EVC2: variants seen among roughly 807,000 people sequenced by gnomAD.
EVC2 encodes the protein limbin.
Under a neutral mutation model 149.3 loss-of-function variants are expected in EVC2, and 148 were observed. The ratio of observed to expected loss-of-function variants is 0.99; its 90% CI spans 0.87 to 1.14. The LOEUF (loss-of-function observed/expected upper bound fraction) is 1.14, where lower values mean the gene tolerates loss of function less well. Ranked by LOEUF, EVC2 falls within the 50% of genes most tolerant of loss-of-function variation. EVC2 has a pLI of 0.00. For missense variants in EVC2, 1,854 were observed against 1,627.3 expected (o/e 1.14, Z -2.40); for synonymous variants, 776 against 649.9 (o/e 1.19, Z -2.95).
intron 7 of EVC2, among the ~76,000 whole-genome samples, chr4:5,678,319 T>C (rs919901457): frequency 2.6e-5 from 4 of 152,180 alleles, no homozygotes; most frequent in Non-Finnish European, 4.4e-5. Context: ...GCCTCCCTGG[T>C]AGATAATACT....
chr4:5,642,196 G>T (rs549413135), intron 9 of EVC2, among the ~76,000 whole-genome samples: 2 of 152,220 alleles, frequency 1.3e-5, no homozygotes, highest in Admixed American at 6.5e-5. Flanking sequence ...ATGGGCATTT[G>T]GGTTGGTTCC....
chr4:5,650,256 G>T (rs6846849), intron 9 of EVC2, among the ~76,000 whole-genome samples: 1 of 151,538 alleles, frequency 6.6e-6, no homozygotes, highest in African/African-American at 2.4e-5. Flanking sequence ...ATGACAGAAG[G>T]CTCAGCCCTG....
intron 3 of EVC2, among the ~76,000 whole-genome samples, chr4:5,691,907 G>A (rs946164913): frequency 3.9e-5 from 6 of 152,290 alleles, no homozygotes; most frequent in Admixed American, 6.5e-5. Context: ...CCTTGAAACC[G>A]CAGGTTTCCT....
In EVC2 at chr4:5,614,982, A is replaced by C. The variant is rs528435627; in HGVS notation, c.2829+440T>G. On this transcript the variant is annotated intron_variant, in intron 16 of 21. Transcript: ENST00000344408. The surrounding 1 kb of genome is among the most constrained non-coding windows in gnomAD (Gnocchi z 4.7). Reference sequence around the variant, plus strand: ...ACAGAGTAAGACTCCATTTCAAAAAAACCAAAACCAAACAAACAAAAAAAA... The same window carrying C: ...ACAGAGTAAGACTCCATTTCAAAAACACCAAAACCAAACAAACAAAAAAAA... Among the ~76,000 whole-genome samples, 2 of 152,266 alleles carry C rather than the reference A, an allele frequency of 1.3e-5. No individual in the cohort carries two copies. Among genetic ancestry groups the C allele is most frequent in the South Asian group, 4.1e-4 (2 of 4,822 alleles).
the EVC2 span, among the ~76,000 whole-genome samples, chr4:5,530,694 T>A: frequency 6.6e-6 from 1 of 152,356 alleles, no homozygotes; most frequent in East Asian, 1.9e-4. Flanking sequence ...GATTTTTCAA[T>A]TCCTGAATTT....
intron 7 of EVC2, among the ~76,000 whole-genome samples, 166 bp downstream of exon 7, chr4:5,681,094 C>T (rs1402050404): frequency 6.6e-6 from 1 of 152,178 alleles, no homozygotes; most frequent in East Asian, 1.9e-4. Flanking sequence ...GTCAGATAGC[C>T]TCAGGGCACA....
At chr4:5,685,318 A>T (rs1400350755) in intron 6 of EVC2, 52 bp downstream of exon 6, 3 of 1,560,182 alleles carry the variant, frequency 1.9e-6, no homozygotes, top group Non-Finnish European at 2.7e-6. Flanking sequence ...TATTTCTAAA[A>T]CAACCTCTCT....
chr4:5,640,954 CT>C lies in EVC2; in HGVS notation c.1146-117del. On this transcript the variant is annotated intron_variant, in intron 9 of 21. Coordinates refer to ENST00000344408, the MANE Select transcript of EVC2 (RefSeq NM_147127.5). The surrounding 1 kb of genome is among the most constrained non-coding windows in gnomAD (Gnocchi z 4.6). ...GTAGGCAAGGGCTTTCTTCGTCTTC[CT>C]TTTCTTCCTTTCCCCGCTCACTTCT... 1 of 1,176,302 alleles carries C rather than the reference CT, an allele frequency of 8.5e-7. No homozygotes were observed. Among genetic ancestry groups the C allele is most frequent in the Non-Finnish European group, 1.2e-6 (1 of 803,254 alleles). The allele number at this position is 1,176,302 out of a possible 1,614,324, so 72.9% of individuals were successfully genotyped here. A position where few individuals can be genotyped will look rare whatever the true frequency, so the allele number is the denominator to read the frequency against.
chr4:5,645,299 T>C (rs1274179712), intron 9 of EVC2, among the ~76,000 whole-genome samples: 4 of 151,822 alleles, frequency 2.6e-5, no homozygotes, highest in Non-Finnish European at 5.9e-5. Flanking sequence ...TATGTGTAGG[T>C]TTTTTATACA....
intron 9 of EVC2, 91 bp downstream of exon 9, chr4:5,663,016 G>C (rs192366180): frequency 6.6e-6 from 10 of 1,516,884 alleles, no homozygotes; most frequent in South Asian, 3.4e-5. Flanking sequence ...TTAACTGAAT[G>C]AATGAAATAT....
intron 4 of EVC2, among the ~76,000 whole-genome samples, 198 bp from the exon 5 acceptor site, chr4:5,689,541 T>TTGGAGACA (rs372387723): frequency 1.8e-4 from 27 of 152,288 alleles, no homozygotes; most frequent in African/African-American, 6.0e-4. Context: ...CTTCCCAAGC[T>TTGGAGACA]GTTGCTTGGA....
At chr4:5,664,645 T>G (rs1309992949) in intron 8 of EVC2, among the ~76,000 whole-genome samples, 1 of 152,062 alleles carries the variant, frequency 6.6e-6, no homozygotes, top group Non-Finnish European at 1.5e-5. Flanking sequence ...AGGGACAAAA[T>G]GAACAACAGG....
chr4:5,668,191 G>T (rs993091122), intron 7 of EVC2, among the ~76,000 whole-genome samples: 6 of 152,196 alleles, frequency 3.9e-5, no homozygotes, highest in African/African-American at 1.2e-4. Context: ...CATTCTTGCA[G>T]CCACAGTGCA....
chr4:5,536,064 T>G, the EVC2 span, among the ~76,000 whole-genome samples: 1 of 152,072 alleles, frequency 6.6e-6, no homozygotes, highest in Admixed American at 6.6e-5. Context: ...CTTGGAATTT[T>G]TTCCCATGGA....
chr4:5,558,570 G>A (rs1721882375), downstream of EVC2, among the ~76,000 whole-genome samples: 1 of 152,120 alleles, frequency 6.6e-6, no homozygotes, highest in Non-Finnish European at 1.5e-5. Context: ...TTTATCATAT[G>A]CAGATTAAAA....
intron 21 of EVC2, 49 bp from the exon 22 acceptor site, chr4:5,563,164 T>C: frequency 6.4e-7 from 1 of 1,562,362 alleles, no homozygotes; most frequent in Non-Finnish European, 8.7e-7. Context: ...CAATGAACCC[T>C]CTGGAGTGTT....
Position 5,700,481 on chromosome 4 carries a change from G to C in EVC2, c.229-2834C>G, listed in dbSNP as rs1303063097. Among the ~76,000 whole-genome samples the C allele has an allele frequency of 2.6e-5, 4 of 152,286 alleles. No individual in the cohort carries two copies. In the East Asian group the frequency reaches 5.8e-4, roughly 22 times the overall value. On this transcript the variant is annotated intron_variant, in intron 1 of 21. Coordinates refer to ENST00000344408, the MANE Select transcript of EVC2 (RefSeq NM_147127.5). ...TAGGGATCACATGTCAGGCAAAGCA[G>C]ACCTGGCCCCTGACCTCACCCAGGG... is the stretch of plus-strand genomic sequence containing the variant.
chr4:5,656,784 C>A (rs1242771990), intron 9 of EVC2, among the ~76,000 whole-genome samples: 1 of 152,296 alleles, frequency 6.6e-6, no homozygotes, highest in South Asian at 2.1e-4. Flanking sequence ...GCCTCCAGAA[C>A]AGTGACACGG....
At chr4:5,540,374 C>G (rs1284088487), downstream of EVC2, among the ~76,000 whole-genome samples, 1 of 152,222 alleles carries the variant, frequency 6.6e-6, no homozygotes, top group African/African-American at 2.4e-5. Context: ...CAAATACATA[C>G]ACAAACGTTT....
Sources: gnomAD v4.1 joint callset for allele counts (sites outside exome capture counted in the v4.1 genomes callset) on GRCh38, gnomAD v4.1.1 for gene constraint, Gnocchi (gnomAD v3.1) non-coding constraint, MANE v1.5 for transcripts, NCBI Gene and HGNC (gene_info 2026-07-23, HGNC 2026-07-21) for gene names.